The following PYROXD1 variants were observed in gnomAD, a reference collection of about 807,000 sequenced individuals.
The protein encoded by PYROXD1 is pyridine nucleotide-disulphide oxidoreductase domain 1.
In PYROXD1, 42 loss-of-function variants were observed where a neutral mutation model predicts 62.0. The ratio of observed to expected loss-of-function variants is 0.68; its 90% CI spans 0.53 to 0.88. The LOEUF (loss-of-function observed/expected upper bound fraction) is 0.88, where lower values mean the gene tolerates loss of function less well. PYROXD1 is among the 40% of genes least tolerant of loss of function. The pLI, the probability that PYROXD1 is intolerant of heterozygous loss-of-function variation, is 0.00. For missense variants in PYROXD1, 493 were observed against 604.8 expected, an observed-to-expected ratio of 0.82 and a Z score of 1.94; for synonymous variants, 170 against 206.4, an observed-to-expected ratio of 0.82 and a Z score of 1.51.
chr12:21,461,201 G>A (rs774657712), intron 8 of PYROXD1, 47 bp downstream of exon 8: 7 of 1,115,878 alleles, frequency 6.3e-6, no homozygotes, highest in Admixed American at 3.3e-5. Flanking sequence ...TTAATTAAAA[G>A]GAAAACAATT....
At chr12:21,453,407 C>T (rs543686154) in intron 5 of PYROXD1, among the ~76,000 whole-genome samples, 2 of 152,112 alleles carry the variant, frequency 1.3e-5, no homozygotes, top group South Asian at 2.1e-4. Flanking sequence ...CTTTGTCTCT[C>T]GTGAAACTTG....
chr12:21,451,239 T>A (rs1357264052), intron 4 of PYROXD1, among the ~76,000 whole-genome samples: 8 of 150,822 alleles, frequency 5.3e-5, no homozygotes, highest in Non-Finnish European at 8.9e-5. Flanking sequence ...CTTTTTTTTT[T>A]AATATATCTA....
chr12:21,449,539 T>G, intron 3 of PYROXD1, 24 bp from the exon 4 acceptor site: 1 of 1,593,132 alleles, frequency 6.3e-7, no homozygotes, highest in East Asian at 2.3e-5. Context: ...CTCCCTTTTC[T>G]TTCATTGTTT....
At chr12:21,438,466 G>T (rs552202825) in intron 1 of PYROXD1, 1 of 152,326 alleles carries the variant, frequency 6.6e-6, no homozygotes, top group African/African-American at 2.4e-5. Context: ...ATTATCGTAG[G>T]TGATTGAGTT....
chr12:21,443,296 T>A (rs1163820749), intron 2 of PYROXD1, among the ~76,000 whole-genome samples: 1 of 152,164 alleles, frequency 6.6e-6, no homozygotes, highest in Non-Finnish European at 1.5e-5. Flanking sequence ...AAAGATGCTC[T>A]GCAAATCTAA....
chr12:21,464,259 G>A (rs1013162035), intron 10 of PYROXD1, among the ~76,000 whole-genome samples: 3 of 151,628 alleles, frequency 2.0e-5, no homozygotes, highest in Non-Finnish European at 4.4e-5. Context: ...CACCTTATAG[G>A]CCCCATTTCT....
intron 3 of PYROXD1, among the ~76,000 whole-genome samples, chr12:21,449,042 C>G (rs1420076358): frequency 6.6e-6 from 1 of 151,790 alleles, no homozygotes; most frequent in African/African-American, 2.4e-5. Flanking sequence ...AGAAGACATA[C>G]CATAACCTCT....
intron 11 of PYROXD1, 28 bp from the exon 12 acceptor site, chr12:21,468,478 A>G: frequency 1.3e-6 from 2 of 1,591,926 alleles, no homozygotes; most frequent in Non-Finnish European, 1.7e-6. Flanking sequence ...GATACTCATG[A>G]CAATAACCTT....
intron 8 of PYROXD1, among the ~76,000 whole-genome samples, chr12:21,461,747 C>G (rs1015642645): frequency 2.6e-5 from 4 of 152,116 alleles, no homozygotes; most frequent in African/African-American, 9.7e-5. Flanking sequence ...TGTACTTTGT[C>G]AAAATTTATG....
At chr12:21,458,515 G>A (rs544435127) in intron 7 of PYROXD1, among the ~76,000 whole-genome samples, 7 of 152,170 alleles carry the variant, frequency 4.6e-5, no homozygotes, top group East Asian at 1.9e-4. Flanking sequence ...TCTGTTCAGG[G>A]CAAGAGGCCT....
chr12:21,437,777 TCGG>T lies in PYROXD1; in HGVS notation c.55_57del (p.Gly19del). 6.2e-7 allele frequency: 1 copy of T among 1,613,102 alleles called. No homozygotes were observed. The highest frequency in any genetic ancestry group is 8.5e-7 in the Non-Finnish European group (1 of 1,179,744). On this transcript the variant is annotated inframe_deletion, in exon 1 of 12. Transcript: ENST00000240651. The stretch of plus-strand genomic sequence containing the variant: ...CCGACGGCAGGGAAGTTCGTGGTGG[TCGG>T]CGGCGGCATCGCGGGCGTCACTTGT...
intron 1 of PYROXD1, chr12:21,438,564 C>T (rs1202268858): frequency 6.6e-6 from 1 of 152,106 alleles, no homozygotes; most frequent in Non-Finnish European, 1.5e-5. Context: ...TTCGAACTCC[C>T]AAGATAGAAG....
At chr12:21,456,635 A>C (rs957494380) in intron 7 of PYROXD1, among the ~76,000 whole-genome samples, 13 of 152,106 alleles carry the variant, frequency 8.5e-5, no homozygotes, top group African/African-American at 3.1e-4. Flanking sequence ...GTGGCTGATG[A>C]CTCATCAGGG....
rs1419868686 is a variant in PYROXD1 at position 21,461,009 on chromosome 12, A to G, written c.751-16A>G. 6.8e-7 allele frequency: 1 copy of G among 1,470,298 alleles called. No individual in the cohort carries two copies. Among genetic ancestry groups the G allele is most frequent in the Admixed American group, 2.2e-5 (1 of 45,592 alleles). The allele number at this position is 1,470,298 out of a possible 1,614,324, so 91.1% of individuals were successfully genotyped here. On this transcript the variant is annotated splice_polypyrimidine_tract_variant and intron_variant, in intron 7 of 11. Transcript: ENST00000240651. ...TTCTGTAAGTATTATGCTAACCAGT[A>G]TTTTCTTAATTTTAGTTTTCTCATA...
intron 10 of PYROXD1, among the ~76,000 whole-genome samples, chr12:21,463,629 T>C (rs1388787288): frequency 6.7e-6 from 1 of 150,002 alleles, no homozygotes; most frequent in Non-Finnish European, 1.5e-5. Flanking sequence ...GAGGCGGAGG[T>C]TGCAGTGAGC....
chr12:21,439,294 T>A (rs952002865), intron 1 of PYROXD1, among the ~76,000 whole-genome samples: 2 of 152,348 alleles, frequency 1.3e-5, no homozygotes, highest in African/African-American at 4.8e-5. Context: ...GCAGCTGGTT[T>A]ATACGTGAAA....
rs191691704 is a variant in PYROXD1 at position 21,444,572 on chromosome 12, C to G, written c.166-775C>G. Among the ~76,000 whole-genome samples the G allele has an allele frequency of 2.6e-5, 4 of 152,290 alleles. No individual in the cohort carries two copies. In the East Asian group the frequency reaches 5.8e-4, roughly 22 times the overall value. On this transcript the variant is annotated intron_variant, in intron 2 of 11. Transcript: ENST00000240651. ...TCACATTTATTAAGTGCTTACCATG[C>G]ATCAAGTGGCCTTCTAAAGGTTTCA... is the stretch of plus-strand genomic sequence containing the variant.
intron 1 of PYROXD1, 120 bp from the exon 2 acceptor site, chr12:21,440,248 G>A (rs1485420406): frequency 3.4e-6 from 2 of 583,962 alleles, no homozygotes; most frequent in Non-Finnish European, 6.0e-6. Flanking sequence ...AGGAACAGTG[G>A]GTTTTTAATT....
intron 10 of PYROXD1, among the ~76,000 whole-genome samples, chr12:21,463,939 C>T (rs1942744958): frequency 6.6e-6 from 1 of 152,144 alleles, no homozygotes; most frequent in African/African-American, 2.4e-5. Flanking sequence ...CAGTTAGGGA[C>T]ATTATTCATT....
Sources: gnomAD v4.1 joint callset for allele counts (sites outside exome capture counted in the v4.1 genomes callset) on GRCh38, gnomAD v4.1.1 for gene constraint, MANE v1.5 for transcripts, NCBI Gene and HGNC (gene_info 2026-07-23, HGNC 2026-07-21) for gene names.